The following LYN variants were observed in gnomAD, a reference collection of about 807,000 sequenced individuals.
LYN encodes the protein tyrosine-protein kinase Lyn.
Under a neutral mutation model 65.0 loss-of-function variants are expected in LYN, and 12 were observed. The ratio of observed to expected loss-of-function variants is 0.18; its 90% CI spans 0.12 to 0.30. The LOEUF is 0.30. LYN is among the 10% of genes least tolerant of loss of function. The pLI is 1.00. For synonymous variants in LYN, 222 were observed against 221.2 expected (o/e 1.00, Z -0.03); for missense variants, 380 against 623.2 (o/e 0.61, Z 4.16).
chr8:55,935,646 C>T (rs571195804), intron 1 of LYN, among the ~76,000 whole-genome samples: 19 of 152,082 alleles, frequency 1.2e-4, no homozygotes, highest in South Asian at 6.2e-4. Context: ...TGGTGGCGGA[C>T]GCCTGTAGTC....
chr8:55,953,758 A>C (rs1807021019), intron 7 of LYN, 74 bp from the exon 8 acceptor site: 5 of 1,413,886 alleles, frequency 3.5e-6, no homozygotes, highest in Non-Finnish European at 4.7e-6. Flanking sequence ...GCTAGTGTTC[A>C]ACTTTTCTTT....
chr8:55,956,392 C>T (rs2130503474), intron 8 of LYN, among the ~76,000 whole-genome samples: 1 of 152,232 alleles, frequency 6.6e-6, no homozygotes, highest in Middle Eastern at 3.4e-3. Flanking sequence ...TCTCAGGGCA[C>T]CTGTCAGGAG....
At chr8:55,937,109 C>T (rs183744314) in intron 1 of LYN, among the ~76,000 whole-genome samples, 4 of 152,298 alleles carry the variant, frequency 2.6e-5, no homozygotes, top group African/African-American at 9.6e-5. Flanking sequence ...ACTCCATAGT[C>T]CTTACTTCAG....
In LYN at chr8:55,976,612, G is replaced by T. The variant is rs974319607; in HGVS notation, c.1050+6819G>T. Among the ~76,000 whole-genome samples, 9 of 152,266 alleles carry T rather than the reference G, an allele frequency of 5.9e-5. No individual in the cohort carries two copies. The South Asian group carries it at 1.5e-3, about 25-fold the overall frequency. ...AGACAGGGTACAGCCCTGGGATATG[G>T]CAAGGGCTGTCAGAGTGGGCACCGC... On this transcript the variant is annotated intron_variant, in intron 10 of 12. Coordinates refer to ENST00000519728, the MANE Select transcript of LYN (RefSeq NM_002350.4).
Position 55,879,968 on chromosome 8 carries a change from C to A in LYN, c.-141C>A, listed in dbSNP as rs1432053214. 1 of 257,482 alleles carries A rather than the reference C, an allele frequency of 3.9e-6. No homozygotes were observed. The highest frequency in any genetic ancestry group is 4.3e-5 in the Admixed American group (1 of 23,096). The allele number at this position is 257,482 out of a possible 1,614,324, so 15.9% of individuals were successfully genotyped here. A position where few individuals can be genotyped will look rare whatever the true frequency, so the allele number is the denominator to read the frequency against. ...CCACCCCCGGCCCCGCGCCAGCAGCCCCTCGCCGCGCGTCCAGCGTTCCCG... is the reference window on the plus strand; with the variant it reads ...CCACCCCCGGCCCCGCGCCAGCAGCACCTCGCCGCGCGTCCAGCGTTCCCG... On this transcript the variant is annotated 5_prime_UTR_variant, in exon 1 of 13. Coordinates refer to ENST00000519728, the MANE Select transcript of LYN (RefSeq NM_002350.4).
chr8:55,977,083 G>A (rs898929375), intron 10 of LYN, among the ~76,000 whole-genome samples: 1 of 152,142 alleles, frequency 6.6e-6, no homozygotes, highest in Non-Finnish European at 1.5e-5. Flanking sequence ...TACTCAGGAG[G>A]CTTAGGCAGG....
chr8:55,892,096 G>A (rs1021386204), intron 1 of LYN, among the ~76,000 whole-genome samples: 3 of 152,236 alleles, frequency 2.0e-5, no homozygotes, highest in African/African-American at 7.2e-5. Flanking sequence ...TGTCAGCAAA[G>A]GCTAAGAGAT....
At chr8:55,885,325 A>G (rs796699457) in intron 1 of LYN, among the ~76,000 whole-genome samples, 20 of 152,162 alleles carry the variant, frequency 1.3e-4, no homozygotes, top group African/African-American at 4.6e-4. Flanking sequence ...ATAGTTTTTT[A>G]GTTGGTCTCA....
At chr8:55,902,237 A>G (rs1805285099) in intron 1 of LYN, among the ~76,000 whole-genome samples, 1 of 151,478 alleles carries the variant, frequency 6.6e-6, no homozygotes. Context: ...CGAACTCCCA[A>G]CCTCAGGTGA....
At chr8:55,986,204 C>A (rs949116575) in intron 10 of LYN, among the ~76,000 whole-genome samples, 2 of 137,534 alleles carry the variant, frequency 1.5e-5, no homozygotes, top group Non-Finnish European at 3.2e-5. Flanking sequence ...CAAAAAAAAA[C>A]GCTACCTTAT....
At chr8:56,000,134 G>A (rs1319463118) in intron 12 of LYN, among the ~76,000 whole-genome samples, 3 of 152,082 alleles carry the variant, frequency 2.0e-5, no homozygotes, top group African/African-American at 7.2e-5. Flanking sequence ...TGTTGGTGTC[G>A]AGATGAGGAT....
intron 1 of LYN, among the ~76,000 whole-genome samples, chr8:55,912,891 A>G (rs1335723230): frequency 1.3e-5 from 2 of 152,158 alleles, no homozygotes; most frequent in Admixed American, 6.5e-5. Flanking sequence ...GCCCGTGTGT[A>G]AAAAGTTTAT....
At chr8:55,933,164 A>T (rs1422143537) in intron 1 of LYN, among the ~76,000 whole-genome samples, 1 of 152,250 alleles carries the variant, frequency 6.6e-6, no homozygotes, top group African/African-American at 2.4e-5. Context: ...AAGCTATGAA[A>T]GCACCACAAC....
intron 1 of LYN, among the ~76,000 whole-genome samples, chr8:55,882,766 G>C (rs1804687447): frequency 6.6e-6 from 1 of 152,206 alleles, no homozygotes; most frequent in Non-Finnish European, 1.5e-5. Context: ...GGCTCCTATA[G>C]GATGGAGAGG....
chr8:55,918,560 T>A (rs957042505), intron 1 of LYN, among the ~76,000 whole-genome samples: 2 of 152,152 alleles, frequency 1.3e-5, no homozygotes, highest in Non-Finnish European at 2.9e-5. Context: ...CTAGAAACGA[T>A]TGTTAAGGAA....
At chr8:55,904,579 T>C (rs557685518) in intron 1 of LYN, among the ~76,000 whole-genome samples, 8 of 152,244 alleles carry the variant, frequency 5.3e-5, no homozygotes, top group African/African-American at 1.7e-4. Context: ...CTGCAGATCA[T>C]GCACCTATAA....
At chr8:55,911,245 A>ATG (rs1805622238) in intron 1 of LYN, among the ~76,000 whole-genome samples, 1 of 19,536 alleles carries the variant, frequency 5.1e-5, no homozygotes, top group African/African-American at 1.3e-4. Context: ...ATATATATAT[A>ATG]CGTGTGTGTG....
intron 9 of LYN, 38 bp downstream of exon 9, chr8:55,966,935 C>T: frequency 1.9e-6 from 3 of 1,579,884 alleles, no homozygotes; most frequent in Non-Finnish European, 2.6e-6. Flanking sequence ...GCAAGGGCTT[C>T]AAACTCAAAA....
chr8:55,969,314 G>A (rs1291006852), intron 9 of LYN, among the ~76,000 whole-genome samples: 1 of 152,188 alleles, frequency 6.6e-6, no homozygotes, highest in East Asian at 1.9e-4. Context: ...GCCAAGTTCT[G>A]TGCTTTTTGC....
Sources: gnomAD v4.1 joint callset for allele counts (sites outside exome capture counted in the v4.1 genomes callset) on GRCh38, gnomAD v4.1.1 for gene constraint, MANE v1.5 for transcripts, NCBI Gene and HGNC (gene_info 2026-07-23, HGNC 2026-07-21) for gene names.